The following ADGRG6 variants were observed in gnomAD, a reference collection of about 807,000 sequenced individuals.
ADGRG6 encodes G-protein coupled receptor 126.
A neutral mutation model predicts 142.4 loss-of-function variants in ADGRG6; 84 were observed. The observed-to-expected ratio is 0.59, with a 90% CI of 0.49 to 0.71. The LOEUF is 0.71. Among genes scored for constraint, ADGRG6 ranks in the 30% least tolerant of loss-of-function variants. The probability of loss-of-function intolerance (pLI) is 0.00; values close to 1 mark genes in which losing one functional copy is unlikely to be tolerated. For synonymous variants in ADGRG6, 521 were observed against 520.5 expected (o/e 1.00, Z -0.01); for missense variants, 1,367 against 1,466.6 (o/e 0.93, Z 1.11).
At chr6:142,439,543 A>G (rs1407839325) in intron 24 of ADGRG6, among the ~76,000 whole-genome samples, 1 of 152,148 alleles carries the variant, frequency 6.6e-6, no homozygotes, top group African/African-American at 2.4e-5. Context: ...ATGTCTTGCC[A>G]CTGGGGTGGC....
chr6:142,407,630 A>G lies in ADGRG6; in HGVS notation c.2269-520A>G, dbSNP rs550762674. On this transcript the variant is annotated intron_variant, in intron 15 of 24. Transcript: ENST00000367609. Reference sequence around the variant, plus strand: ...TGCAGATGCTGGCAAGTATACAGTCAGAGAAGAAGGTAGAAGTCCTGGATG... The same window carrying G: ...TGCAGATGCTGGCAAGTATACAGTCGGAGAAGAAGGTAGAAGTCCTGGATG... 2.0e-5 allele frequency among the ~76,000 whole-genome samples: 3 copies of G among 152,352 alleles called. No homozygotes were observed. The South Asian group carries it at 6.2e-4, about 32-fold the overall frequency.
At chr6:142,335,294 T>A (rs995030477) in intron 2 of ADGRG6, among the ~76,000 whole-genome samples, 8 of 152,194 alleles carry the variant, frequency 5.3e-5, no homozygotes, top group African/African-American at 1.9e-4. Flanking sequence ...TGTGAACTTT[T>A]TATTACACAA....
intron 1 of ADGRG6, among the ~76,000 whole-genome samples, chr6:142,303,926 A>G (rs1301304041): frequency 1.3e-5 from 2 of 152,186 alleles, no homozygotes. Context: ...ATAGGGTAAA[A>G]GCGTGAATAT....
intron 22 of ADGRG6, among the ~76,000 whole-genome samples, chr6:142,430,567 A>C (rs2115159279): frequency 6.6e-6 from 1 of 152,314 alleles, no homozygotes; most frequent in East Asian, 1.9e-4. Context: ...AAAAGGAATG[A>C]GTTCTATGTG....
chr6:142,306,958 G>A (rs1777529404), intron 1 of ADGRG6, among the ~76,000 whole-genome samples: 1 of 152,120 alleles, frequency 6.6e-6, no homozygotes, highest in South Asian at 2.1e-4. Flanking sequence ...TCTGTCTGAA[G>A]TGATAGAGTC....
At chr6:142,389,638 C>T (rs964532545) in intron 6 of ADGRG6, among the ~76,000 whole-genome samples, 1 of 151,834 alleles carries the variant, frequency 6.6e-6, no homozygotes, top group African/African-American at 2.4e-5. Context: ...GAAAATTCTA[C>T]CTGCAAATAT....
chr6:142,359,264 ACTAAAAC>A (rs1780605737), intron 2 of ADGRG6, among the ~76,000 whole-genome samples: 1 of 151,210 alleles, frequency 6.6e-6, no homozygotes, highest in Admixed American at 6.6e-5. Context: ...CCTTCCCCAA[ACTAAAAC>A]CTTTTTAGTT....
At chr6:142,334,656 ATCAAGGGTC>A (rs1779225219) in intron 2 of ADGRG6, among the ~76,000 whole-genome samples, 1 of 152,210 alleles carries the variant, frequency 6.6e-6, no homozygotes, top group Admixed American at 6.5e-5. Context: ...CAGGGTTGCA[ATCAAGGGTC>A]TCTAGCATGA....
At chr6:142,315,428 C>A (rs1777997244) in intron 2 of ADGRG6, among the ~76,000 whole-genome samples, 1 of 151,306 alleles carries the variant, frequency 6.6e-6, no homozygotes, top group Non-Finnish European at 1.5e-5. Context: ...ATGTAATGAG[C>A]AAATATACTT....
rs189066557 is a variant in ADGRG6 at position 142,435,210 on chromosome 6, C to T, written c.3320-2224C>T. ...GAATACAAGGATTGCCTACCTGGTT[C>T]ACCATTGAATCTCCAACTCCTAAAA... On this transcript the variant is annotated intron_variant, in intron 22 of 24. Transcript: ENST00000367609. Among the ~76,000 whole-genome samples the T allele has an allele frequency of 1.5e-3, 230 of 152,222 alleles. 5 individuals carry two copies. Among genetic ancestry groups the T allele is most frequent in the Non-Finnish European group, 3.0e-3 (201 of 68,002 alleles).
At chr6:142,320,712 T>A (rs185579875) in intron 2 of ADGRG6, among the ~76,000 whole-genome samples, 61 of 152,214 alleles carry the variant, frequency 4.0e-4, no homozygotes, top group Non-Finnish European at 7.9e-4. Context: ...TCCATTTTTC[T>A]GGTTTCATAG....
chr6:142,438,186 T>C, intron 23 of ADGRG6, 26 bp from the exon 24 acceptor site: 1 of 1,509,952 alleles, frequency 6.6e-7, no homozygotes, highest in Admixed American at 2.0e-5. Context: ...AGCAGATTGA[T>C]AGGGTGATGT....
chr6:142,381,345 C>G (rs752817829), intron 4 of ADGRG6, among the ~76,000 whole-genome samples: 2 of 152,096 alleles, frequency 1.3e-5, no homozygotes, highest in Non-Finnish European at 1.5e-5. Context: ...TTCTCAGACT[C>G]AAGCTGTTGG....
At chr6:142,371,396 A>C (rs1489959983) in intron 4 of ADGRG6, among the ~76,000 whole-genome samples, 1 of 150,972 alleles carries the variant, frequency 6.6e-6, no homozygotes, top group Non-Finnish European at 1.5e-5. Context: ...CAAACTCCTG[A>C]CCTCAAGTGG....
intron 14 of ADGRG6, among the ~76,000 whole-genome samples, chr6:142,404,474 TAC>T (rs1303556676): frequency 2.0e-5 from 3 of 151,982 alleles, no homozygotes. Context: ...ACCCTGTTTC[TAC>T]TAAAAATACA....
chr6:142,407,252 T>G (rs1355036224), intron 15 of ADGRG6, among the ~76,000 whole-genome samples: 1 of 151,384 alleles, frequency 6.6e-6, no homozygotes, highest in East Asian at 1.9e-4. Flanking sequence ...TTAAAGGTTC[T>G]GTGGTGCTCC....
chr6:142,314,971 A>AGTGTGTGTGT (rs58848776), intron 2 of ADGRG6, among the ~76,000 whole-genome samples: 2,963 of 145,046 alleles, frequency 0.02, 45 homozygotes, highest in African/African-American at 0.024. Context: ...CCAATCATGG[A>AGTGTGTGTGT]GTGTGTGTGT....
chr6:142,411,480 G>A, intron 18 of ADGRG6, 69 bp downstream of exon 18: 5 of 797,558 alleles, frequency 6.3e-6, no homozygotes, highest in Admixed American at 1.7e-5. Flanking sequence ...TTTTTTGTAT[G>A]TATTTTTAGA....
intron 10 of ADGRG6, among the ~76,000 whole-genome samples, chr6:142,400,093 C>T (rs774265212): frequency 6.6e-5 from 10 of 152,102 alleles, no homozygotes; most frequent in Non-Finnish European, 8.8e-5. Context: ...CATTTCTAGG[C>T]TTTCCCCTTT....
Sources: gnomAD v4.1 joint callset for allele counts (sites outside exome capture counted in the v4.1 genomes callset) on GRCh38, gnomAD v4.1.1 for gene constraint, MANE v1.5 for transcripts, NCBI Gene and HGNC (gene_info 2026-07-23, HGNC 2026-07-21) for gene names.